STARD13: variants seen among roughly 807,000 people sequenced by gnomAD.
The protein encoded by STARD13 is stAR-related lipid transfer protein 13.
STARD13 carries 62 observed loss-of-function variants against 106.4 expected under a neutral mutation model. The observed-to-expected ratio is 0.58, with a 90% CI of 0.48 to 0.72. STARD13 has a LOEUF of 0.72. STARD13 is among the 30% of genes least tolerant of loss of function. The probability of loss-of-function intolerance (pLI) is 0.00; values close to 1 mark genes in which losing one functional copy is unlikely to be tolerated. For synonymous variants in STARD13, 565 were observed against 553.0 expected, an observed-to-expected ratio of 1.02 and a Z score of -0.31; for missense variants, 1,387 against 1,424.0, an observed-to-expected ratio of 0.97 and a Z score of 0.42.
chr13:33,490,700 A>G, the STARD13 span, among the ~76,000 whole-genome samples: 2 of 152,142 alleles, frequency 1.3e-5, no homozygotes, highest in South Asian at 4.2e-4. Flanking sequence ...TCATCCTTCC[A>G]GTCCGTGTGT....
the STARD13 span, among the ~76,000 whole-genome samples, chr13:33,391,263 A>G: frequency 1.3e-5 from 2 of 152,206 alleles, no homozygotes; most frequent in African/African-American, 4.8e-5. Context: ...ACAATCAGCA[A>G]GACGAAACCC....
chr13:33,502,990 C>T, the STARD13 span, among the ~76,000 whole-genome samples: 6,514 of 152,128 alleles, frequency 0.043, 433 homozygotes, highest in African/African-American at 0.14. Context: ...TGGTAGAATT[C>T]GGCTATGAAT....
chr13:33,589,445 A>T, the STARD13 span, among the ~76,000 whole-genome samples: 1 of 152,256 alleles, frequency 6.6e-6, no homozygotes, highest in South Asian at 2.1e-4. Context: ...TTGTGCTATA[A>T]ATTTCCCTCT....
chr13:33,329,161 T>A (rs770274617), intron 1 of STARD13, among the ~76,000 whole-genome samples: 5 of 152,232 alleles, frequency 3.3e-5, no homozygotes, highest in African/African-American at 1.2e-4. Context: ...TCAAAAACTT[T>A]TAATGAAATT....
At chr13:33,334,807 A>G (rs914152628) in intron 1 of STARD13, among the ~76,000 whole-genome samples, 5 of 152,248 alleles carry the variant, frequency 3.3e-5, no homozygotes, top group African/African-American at 1.2e-4. Context: ...CAGGCGGTAA[A>G]CTAACACCTG....
chr13:33,141,403 A>C (rs1879812594), intron 4 of STARD13, among the ~76,000 whole-genome samples: 1 of 152,250 alleles, frequency 6.6e-6, no homozygotes, highest in Admixed American at 6.5e-5. Context: ...TAAGTACATA[A>C]TCTAGTTCCT....
chr13:33,185,307 G>A (rs1465107950), intron 1 of STARD13, among the ~76,000 whole-genome samples: 2 of 152,170 alleles, frequency 1.3e-5, no homozygotes, highest in Non-Finnish European at 2.9e-5. Flanking sequence ...ACGAAGTGCT[G>A]GAAAATAAAG....
At chr13:33,548,629 A>T in the STARD13 span, among the ~76,000 whole-genome samples, 109 of 152,272 alleles carry the variant, frequency 7.2e-4, 1 homozygote, top group East Asian at 0.012. Context: ...GATTTTTTTT[A>T]AAAAAATATT....
the STARD13 span, among the ~76,000 whole-genome samples, chr13:33,513,306 T>C: frequency 2.0e-5 from 3 of 152,180 alleles, no homozygotes; most frequent in Non-Finnish European, 4.4e-5. Context: ...TGAGTTCTAT[T>C]TGGGATAAGA....
the STARD13 span, among the ~76,000 whole-genome samples, chr13:33,407,388 G>T: frequency 1.3e-5 from 2 of 152,144 alleles, no homozygotes; most frequent in African/African-American, 4.8e-5. Flanking sequence ...GAGGTAAAGC[G>T]CTTCGGGTAC....
chr13:33,113,675 C>A (rs532278824), intron 8 of STARD13: 47 of 453,430 alleles, frequency 1.0e-4, no homozygotes, highest in African/African-American at 8.2e-4. Context: ...GAAGAAGAAC[C>A]AGGCAGCCTA....
chr13:33,199,977 G>A (rs556311571), intron 1 of STARD13, among the ~76,000 whole-genome samples: 2 of 152,348 alleles, frequency 1.3e-5, no homozygotes, highest in East Asian at 3.9e-4. Flanking sequence ...GGGGAGTAGA[G>A]AACCAATAAT....
intron 1 of STARD13, among the ~76,000 whole-genome samples, chr13:33,244,816 CAGA>C (rs953540638): frequency 6.6e-6 from 1 of 152,184 alleles, no homozygotes; most frequent in African/African-American, 2.4e-5. Context: ...GAGAAACCAG[CAGA>C]AGAACTCAAC....
chr13:33,451,407 G>T, the STARD13 span, among the ~76,000 whole-genome samples: 2 of 152,088 alleles, frequency 1.3e-5, no homozygotes, highest in Non-Finnish European at 2.9e-5. Flanking sequence ...ACAAGTCAGG[G>T]GATTGTTGCC....
the STARD13 span, among the ~76,000 whole-genome samples, chr13:33,591,325 A>G: frequency 6.6e-6 from 1 of 152,270 alleles, no homozygotes; most frequent in African/African-American, 2.4e-5. Context: ...CATGTAAAAA[A>G]AGGATGAAAT....
chr13:33,371,869 GTCA>G, the STARD13 span, among the ~76,000 whole-genome samples: 27 of 152,288 alleles, frequency 1.8e-4, no homozygotes, highest in Admixed American at 1.6e-3. Flanking sequence ...TTAGGAAAAT[GTCA>G]TCATGAAATT....
chr13:33,619,333 G>A, the STARD13 span, among the ~76,000 whole-genome samples: 19 of 152,226 alleles, frequency 1.2e-4, 1 homozygote, highest in East Asian at 2.3e-3. Flanking sequence ...AACTAGACTG[G>A]CTCTGTTCTC....
chr13:33,608,275 G>A, the STARD13 span, among the ~76,000 whole-genome samples: 14 of 152,288 alleles, frequency 9.2e-5, no homozygotes, highest in East Asian at 2.7e-3. Context: ...ACAATGGAAA[G>A]ACTAAATATC....
intron 1 of STARD13, among the ~76,000 whole-genome samples, chr13:33,307,500 T>C (rs1892955255): frequency 6.6e-6 from 1 of 152,208 alleles, no homozygotes; most frequent in South Asian, 2.1e-4. Context: ...CGAGATCATG[T>C]CCTTTGCAGG....
Sources: gnomAD v4.1 joint callset for allele counts (sites outside exome capture counted in the v4.1 genomes callset) on GRCh38, gnomAD v4.1.1 for gene constraint, MANE v1.5 for transcripts, NCBI Gene and HGNC (gene_info 2026-07-23, HGNC 2026-07-21) for gene names.